Variants in MPP7 observed in about 807,000 individuals in gnomAD.
MPP7 encodes the protein MAGUK p55 scaffold protein 7.
MPP7 carries 60 observed loss-of-function variants against 76.5 expected under a neutral mutation model. The ratio of observed to expected loss-of-function variants is 0.78; its 90% CI spans 0.64 to 0.97. The LOEUF is 0.97. MPP7 is among the 50% of genes least tolerant of loss of function. The probability of loss-of-function intolerance (pLI) is 0.00; values close to 1 mark genes in which losing one functional copy is unlikely to be tolerated. For missense variants in MPP7, 641 were observed against 694.0 expected (o/e 0.92, Z 0.86); for synonymous variants, 237 against 244.5 (o/e 0.97, Z 0.29).
Position 28,203,496 on chromosome 10 carries a change from T to TAAAAA in MPP7, c.38-1230_38-1226dup, listed in dbSNP as rs72465209. On this transcript the variant is annotated intron_variant, in intron 2 of 16. Coordinates refer to ENST00000683449, the MANE Select transcript of MPP7 (RefSeq NM_001318170.2). ...GGCCAAAAAAAGCTAAAACAGTCTTTAAAAAAAAAAAAAAAAAAAACCTTC... is the reference window on the plus strand; with the variant it reads ...GGCCAAAAAAAGCTAAAACAGTCTTTAAAAAAAAAAAAAAAAAAAAAAAAACCTTC... 7.5e-4 allele frequency among the ~76,000 whole-genome samples: 97 copies of TAAAAA among 129,874 alleles called. 1 individual carries two copies. The East Asian group carries it at 0.011, about 15-fold the overall frequency. The allele number at this position is 129,874 out of a possible 152,430, so 85.2% of individuals were successfully genotyped here.
chr10:28,157,606 G>A (rs1292353195), intron 3 of MPP7, among the ~76,000 whole-genome samples: 1 of 152,234 alleles, frequency 6.6e-6, no homozygotes, highest in Non-Finnish European at 1.5e-5. Context: ...ACTCAAGCCT[G>A]TTCTGGGGCT....
chr10:28,250,727 T>G (rs2132848516), intron 1 of MPP7, among the ~76,000 whole-genome samples: 1 of 152,354 alleles, frequency 6.6e-6, no homozygotes, highest in South Asian at 2.1e-4. Context: ...TCTATAAAAC[T>G]ACAACCCTGA....
rs115662474 is a variant in MPP7, at chr10:28,326,840, C to T, written c.-132+3089G>A. Among the ~76,000 whole-genome samples, 470 of 152,248 alleles carry T rather than the reference C, an allele frequency of 3.1e-3. 4 individuals are homozygous for T. Among genetic ancestry groups the T allele is most frequent in the African/African-American group, 0.011 (443 of 41,548 alleles). The stretch of plus-strand genomic sequence containing the variant: ...CAGAGAGTTTGCAAACCCCAGCTCC[C>T]GGGCTCTGTCTGCTGCACTGATATT... On this transcript the variant is annotated intron_variant, in intron 2 of 11. Transcript: ENST00000441595.
rs117806517 is a variant in MPP7, at chr10:28,173,406, G to T, written c.157-23347C>A. Among the ~76,000 whole-genome samples the T allele has an allele frequency of 9.9e-5, 15 of 152,242 alleles. No individual in the cohort carries two copies. In the East Asian group the frequency reaches 1.2e-3, roughly 12 times the overall value. On this transcript the variant is annotated intron_variant, in intron 3 of 16. Transcript: ENST00000683449. Reference sequence around the variant, plus strand: ...AATAGATGGATAAAGAATTGTCATGGAAGAAATAAAATTGGCATTATTAAC... The same window carrying T: ...AATAGATGGATAAAGAATTGTCATGTAAGAAATAAAATTGGCATTATTAAC...
chr10:28,058,328 C>G (rs980856815), intron 15 of MPP7, among the ~76,000 whole-genome samples, 167 bp downstream of exon 15: 8 of 152,134 alleles, frequency 5.3e-5, no homozygotes, highest in Non-Finnish European at 1.0e-4. Context: ...TTCTTTTTCT[C>G]CACCAAAGAT....
intron 1 of MPP7, among the ~76,000 whole-genome samples, chr10:28,253,033 G>A (rs149577101): frequency 0.013 from 1,919 of 151,964 alleles, 40 homozygotes; most frequent in African/African-American, 0.044. Context: ...TCAGCCTCCC[G>A]AGCAGCTGGG....
At chr10:28,058,874 C>G (rs1351451933) in intron 14 of MPP7, among the ~76,000 whole-genome samples, 2 of 152,092 alleles carry the variant, frequency 1.3e-5, no homozygotes, top group African/African-American at 4.8e-5. Flanking sequence ...CCATCACCCC[C>G]TTTTTCTTCA....
Position 28,115,412 on chromosome 10 carries a change from T to C in MPP7, c.952+4239A>G, listed in dbSNP as rs551944457. The stretch of plus-strand genomic sequence containing the variant: ...GCCGCTGTGCCCGGCCAATGTTAGG[T>C]ATTTTTTAAAACCCCACGTGTTTCT... On this transcript the variant is annotated intron_variant, in intron 11 of 16. Transcript: ENST00000683449. Among the ~76,000 whole-genome samples the C allele has an allele frequency of 9.8e-5, 15 of 152,310 alleles. No individual in the cohort carries two copies. In the South Asian group the frequency reaches 2.9e-3, roughly 29 times the overall value.
In MPP7 at chr10:28,124,063, C is replaced by G; in HGVS notation, c.583G>C (p.Asp195His). Residue 195 changes from aspartate to histidine, a missense_variant, in exon 8 of 17, where the codon GAT (aspartate) becomes CAT (histidine). Asp to His is a moderately conservative substitution (Grantham distance 81). Transcript: ENST00000683449. ...LREVNGIPVE[D>H]KRPEEIIQIL... ...TGTATTATTTCCTCAGGCCTTTTATCCTCCACTGGTATCCCGTTGACTTCC... is the reference window on the plus strand; with the variant it reads ...TGTATTATTTCCTCAGGCCTTTTATGCTCCACTGGTATCCCGTTGACTTCC... 1 of 1,612,226 alleles carries G rather than the reference C, an allele frequency of 6.2e-7. No homozygotes were observed. The highest frequency in any genetic ancestry group is 1.3e-5 in the African/African-American group (1 of 74,998).
intron 11 of MPP7, among the ~76,000 whole-genome samples, chr10:28,113,680 G>C (rs2133576586): frequency 6.6e-6 from 1 of 152,170 alleles, no homozygotes; most frequent in South Asian, 2.1e-4. Flanking sequence ...CAGGGCTAGA[G>C]TTTATAGCCA....
intron 2 of MPP7, among the ~76,000 whole-genome samples, chr10:28,319,434 T>C (rs906584093): frequency 6.6e-6 from 1 of 152,070 alleles, no homozygotes; most frequent in Admixed American, 6.6e-5. Context: ...CCCAGCACTT[T>C]GGGAGGCTGA....
intron 3 of MPP7, among the ~76,000 whole-genome samples, chr10:28,154,282 T>C (rs1450106077): frequency 1.3e-5 from 2 of 152,164 alleles, no homozygotes; most frequent in Non-Finnish European, 2.9e-5. Flanking sequence ...ATCTTCCCAC[T>C]CACTAACAAA....
intron 1 of MPP7, among the ~76,000 whole-genome samples, chr10:28,334,045 G>T (rs746219279): frequency 6.6e-6 from 1 of 151,828 alleles, no homozygotes; most frequent in African/African-American, 2.4e-5. Flanking sequence ...CAAAAAATAC[G>T]AAAAAATTAG....
Position 28,238,556 on chromosome 10 carries a change from G to A in MPP7, c.37+12C>T. On this transcript the variant is annotated intron_variant, in intron 2 of 16. Coordinates refer to ENST00000683449, the MANE Select transcript of MPP7 (RefSeq NM_001318170.2). ...AGATGGAATGAGAACTGCCCCTCTTGGGGTCACATACCAGTGTCACTCCCA... is the reference window on the plus strand; with the variant it reads ...AGATGGAATGAGAACTGCCCCTCTTAGGGTCACATACCAGTGTCACTCCCA... The A allele has an allele frequency of 1.2e-6, 2 of 1,613,754 alleles. No individual in the cohort carries two copies. The highest frequency in any genetic ancestry group is 1.7e-6 in the Non-Finnish European group (2 of 1,179,698).
At chr10:28,233,184 A>G (rs996512247) in intron 2 of MPP7, among the ~76,000 whole-genome samples, 1 of 152,200 alleles carries the variant, frequency 6.6e-6, no homozygotes, top group Non-Finnish European at 1.5e-5. Context: ...AATTAAGTAA[A>G]TCGATGGTGG....
intron 2 of MPP7, among the ~76,000 whole-genome samples, chr10:28,313,168 T>A (rs940463581): frequency 1.3e-5 from 2 of 152,166 alleles, no homozygotes; most frequent in Non-Finnish European, 2.9e-5. Context: ...AGGAACTTAA[T>A]AGTTAACTCT....
intron 1 of MPP7, among the ~76,000 whole-genome samples, chr10:28,263,241 G>T (rs1248126501): frequency 6.6e-6 from 1 of 152,152 alleles, no homozygotes; most frequent in Non-Finnish European, 1.5e-5. Flanking sequence ...TACGCTGAGT[G>T]AAAGGGCCAC....
chr10:28,196,292 C>T (rs1837579433), intron 3 of MPP7, among the ~76,000 whole-genome samples: 1 of 152,048 alleles, frequency 6.6e-6, no homozygotes, highest in Non-Finnish European at 1.5e-5. Context: ...ACCACCCTGG[C>T]CAACATGGTG....
At chr10:28,274,482 CACA>C (rs374746549) in intron 1 of MPP7, among the ~76,000 whole-genome samples, 1 of 152,138 alleles carries the variant, frequency 6.6e-6, no homozygotes, top group African/African-American at 2.4e-5. Context: ...AAGAATTTCA[CACA>C]ACATTAACAT....
Sources: allele counts gnomAD v4.1 joint callset (sites outside exome capture counted in the v4.1 genomes callset), GRCh38; gene constraint gnomAD v4.1.1; transcripts MANE v1.5; gene names NCBI Gene and HGNC (gene_info 2026-07-23, HGNC 2026-07-21).